Variants in ATP11A observed in about 807,000 individuals in gnomAD.
ATP11A encodes the protein phospholipid-transporting ATPase IH.
In ATP11A, 81 loss-of-function variants were observed where a neutral mutation model predicts 154.4. The ratio of observed to expected loss-of-function variants is 0.52; its 90% CI spans 0.44 to 0.63. The LOEUF is 0.63. Among genes scored for constraint, ATP11A ranks in the 30% least tolerant of loss-of-function variants. The pLI, the probability that ATP11A is intolerant of heterozygous loss-of-function variation, is 0.00. For synonymous variants in ATP11A, 623 were observed against 585.9 expected, an observed-to-expected ratio of 1.06 and a Z score of -0.91; for missense variants, 1,316 against 1,474.3, an observed-to-expected ratio of 0.89 and a Z score of 1.76.
chr13:112,711,640 A>G (rs1173224071), intron 1 of ATP11A, among the ~76,000 whole-genome samples: 1 of 152,086 alleles, frequency 6.6e-6, no homozygotes, highest in Non-Finnish European at 1.5e-5. Context: ...GTCAGCGGGC[A>G]CCGTGCGTTG....
At chr13:112,739,912 T>C (rs925328304) in intron 1 of ATP11A, among the ~76,000 whole-genome samples, 3 of 152,028 alleles carry the variant, frequency 2.0e-5, no homozygotes, top group African/African-American at 4.8e-5. Flanking sequence ...TTATGTGACA[T>C]GTCCAGAACT....
intron 4 of ATP11A, 151 bp downstream of exon 4, chr13:112,806,444 A>G: frequency 3.2e-6 from 2 of 632,564 alleles, no homozygotes; most frequent in Admixed American, 5.7e-5. Flanking sequence ...CGTTAGATTG[A>G]TACTTGAAGC....
chr13:112,811,161 AAC>A (rs10695491), intron 5 of ATP11A, among the ~76,000 whole-genome samples: 5,872 of 115,502 alleles, frequency 0.051, 163 homozygotes, highest in Middle Eastern at 0.094. Flanking sequence ...TGCCCCTTCC[AAC>A]ACACACACAC....
chr13:112,813,117 T>C (rs1020144705), intron 5 of ATP11A, among the ~76,000 whole-genome samples: 1 of 152,258 alleles, frequency 6.6e-6, no homozygotes, highest in Admixed American at 6.5e-5. Flanking sequence ...AGGCTTTTCC[T>C]ACAACGGCAG....
chr13:112,829,251 T>G (rs1306666067), intron 12 of ATP11A, among the ~76,000 whole-genome samples: 8 of 152,210 alleles, frequency 5.3e-5, no homozygotes, highest in African/African-American at 1.9e-4. Context: ...TGACCAGCAC[T>G]GGGCTTAGGG....
At position 112,859,648 on chromosome 13, in the gene ATP11A, C is replaced by T. The variant is rs2080042529; in HGVS notation, c.2727+196C>T. On this transcript the variant is annotated intron_variant, in intron 23 of 29. Transcript: ENST00000375645. This position sits in a 1 kb window ranked among gnomAD's most constrained non-coding sequence, Gnocchi z 4.3. Reference sequence around the variant, plus strand: ...GGCCACGGAGCTGAGGAGTTGCCGTCCTGGAGGCCCCTTGTTCCATGTCTT... The same window carrying T: ...GGCCACGGAGCTGAGGAGTTGCCGTTCTGGAGGCCCCTTGTTCCATGTCTT... Among the ~76,000 whole-genome samples, 1 of 152,178 alleles carries T rather than the reference C, an allele frequency of 6.6e-6. No homozygotes were observed. The highest frequency in any genetic ancestry group is 1.5e-5 in the Non-Finnish European group (1 of 68,014).
chr13:112,787,752 C>T (rs2077689221), intron 2 of ATP11A, among the ~76,000 whole-genome samples: 1 of 151,138 alleles, frequency 6.6e-6, no homozygotes, highest in Non-Finnish European at 1.5e-5. Flanking sequence ...TGTGTAGACC[C>T]CTGTGGAGAC....
At position 112,816,148 on chromosome 13, in the gene ATP11A, C is replaced by T. The variant is rs773796016; in HGVS notation, c.507C>T (p.Ser169=). ...TFPCDLIFLS[S]NRGDGTCHVT... ...CCTGCGACTTGATCTTCCTTTCCAG[C>T]AACCGGGGAGATGGGACGTGCCACG... Residue 169 remains serine, a synonymous_variant, in exon 6 of 30, where the codon AGC becomes AGT. Transcript: ENST00000375645. The T allele has an allele frequency of 2.5e-6, 4 of 1,614,070 alleles. No individual in the cohort carries two copies. Among genetic ancestry groups the T allele is most frequent in the Admixed American group, 1.7e-5 (1 of 60,002 alleles).
intron 1 of ATP11A, among the ~76,000 whole-genome samples, chr13:112,781,013 G>A (rs282625): frequency 0.032 from 4,886 of 152,052 alleles, 271 homozygotes; most frequent in African/African-American, 0.11. Context: ...AAACAGCCCC[G>A]TGTGATGTGA....
At chr13:112,862,352 A>G in intron 24 of ATP11A, 88 bp from the exon 25 acceptor site, 3 of 1,513,074 alleles carry the variant, frequency 2.0e-6, no homozygotes, top group Non-Finnish European at 2.7e-6. Flanking sequence ...CATGAAGACA[A>G]CGTCCAGGGA....
In ATP11A at chr13:112,823,339, T is replaced by G. The variant is rs2078849964; in HGVS notation, c.726-6T>G. The stretch of plus-strand genomic sequence containing the variant: ...CGCATCATTTCTGATCATCGTATCT[T>G]TACAGGCCCTTAGGATCGGAAAACC... On this transcript the variant is annotated splice_polypyrimidine_tract_variant and splice_region_variant and intron_variant, in intron 8 of 29. Transcript: ENST00000375645. 5 of 1,613,274 alleles carry G rather than the reference T, an allele frequency of 3.1e-6. No homozygotes were observed. Among genetic ancestry groups the G allele is most frequent in the Non-Finnish European group, 4.2e-6 (5 of 1,179,302 alleles).
intron 2 of ATP11A, among the ~76,000 whole-genome samples, chr13:112,796,555 C>A (rs1158894722): frequency 6.6e-6 from 1 of 152,202 alleles, no homozygotes; most frequent in Non-Finnish European, 1.5e-5. Context: ...TCCCTGGAGC[C>A]TCCAGGAAGG....
At chr13:112,772,907 A>C (rs533845854) in intron 1 of ATP11A, among the ~76,000 whole-genome samples, 3 of 152,206 alleles carry the variant, frequency 2.0e-5, no homozygotes, top group Non-Finnish European at 4.4e-5. Flanking sequence ...CATTCTGTAT[A>C]TATTCCAGGT....
At chr13:112,731,421 C>A (rs1289751139) in intron 1 of ATP11A, among the ~76,000 whole-genome samples, 1 of 150,400 alleles carries the variant, frequency 6.6e-6, no homozygotes, top group Non-Finnish European at 1.5e-5. Flanking sequence ...CCACACACTT[C>A]ATTCCCACTC....
In ATP11A at chr13:112,697,140, C is replaced by T. The variant is rs921104059; in HGVS notation, c.39+6685C>T. Among the ~76,000 whole-genome samples, 1 of 152,170 alleles carries T rather than the reference C, an allele frequency of 6.6e-6. No homozygotes were observed. Among genetic ancestry groups the T allele is most frequent in the Non-Finnish European group, 1.5e-5 (1 of 68,018 alleles). ...CAGCAGCCTCTGGGAGCCCTGGGGC[C>T]TTCCGTGGGCTGCTTCCTGTGGCGT... On this transcript the variant is annotated intron_variant, in intron 1 of 29. Coordinates refer to ENST00000375645, the MANE Select transcript of ATP11A (RefSeq NM_015205.3). This position sits in a 1 kb window ranked among gnomAD's most constrained non-coding sequence, Gnocchi z 4.0.
At chr13:112,742,963 T>C (rs1814925237) in intron 1 of ATP11A, among the ~76,000 whole-genome samples, 2 of 152,202 alleles carry the variant, frequency 1.3e-5, no homozygotes, top group African/African-American at 4.8e-5. Flanking sequence ...AGATGTCTGA[T>C]ACAGAACTCA....
Position 112,788,458 on chromosome 13 carries a change from C to T in ATP11A, c.162+3201C>T, listed in dbSNP as rs574358154. On this transcript the variant is annotated intron_variant, in intron 2 of 29. Transcript: ENST00000375645. Reference sequence around the variant, plus strand: ...CGGTGTCCTCATGTGTAGACCCTTGCGGAGACCTACTTAATTCACACCGGG... The same window carrying T: ...CGGTGTCCTCATGTGTAGACCCTTGTGGAGACCTACTTAATTCACACCGGG... Among the ~76,000 whole-genome samples the T allele has an allele frequency of 1.0e-3, 148 of 141,966 alleles. 1 individual carries two copies. Among genetic ancestry groups the T allele is most frequent in the Admixed American group, 2.0e-3 (28 of 14,304 alleles). The allele number at this position is 141,966 out of a possible 152,430, so 93.1% of individuals were successfully genotyped here.
rs761245227 is a variant in ATP11A, at chr13:112,823,441, C to T, written c.790+32C>T. On this transcript the variant is annotated intron_variant, in intron 9 of 29. Coordinates refer to ENST00000375645, the MANE Select transcript of ATP11A (RefSeq NM_015205.3). ...ATTTAATTAATTATTAACCATTGCC[C>T]CTAACATTAAGGATGCATGAAGCAA... The T allele has an allele frequency of 6.4e-6, 10 of 1,551,482 alleles. No homozygotes were observed. The African/African-American group carries it at 1.1e-4, about 17-fold the overall frequency.
At chr13:112,751,777 T>C (rs2076699114) in intron 1 of ATP11A, among the ~76,000 whole-genome samples, 1 of 146,824 alleles carries the variant, frequency 6.8e-6, no homozygotes, top group Non-Finnish European at 1.5e-5. Flanking sequence ...TCACCCAGGC[T>C]GGAGTGCAGT....
Sources: gnomAD v4.1 joint callset for allele counts (sites outside exome capture counted in the v4.1 genomes callset) on GRCh38, gnomAD v4.1.1 for gene constraint, Gnocchi (gnomAD v3.1) non-coding constraint, MANE v1.5 for transcripts, NCBI Gene and HGNC (gene_info 2026-07-23, HGNC 2026-07-21) for gene names.